Variants in KIAA0930 observed in about 807,000 individuals in gnomAD.
KIAA0930 encodes the protein KIAA0930.
In KIAA0930, 24 loss-of-function variants were observed where a neutral mutation model predicts 43.9. The observed-to-expected ratio is 0.55, with a 90% CI of 0.40 to 0.77. The LOEUF is 0.77. Among genes scored for constraint, KIAA0930 ranks in the 30% least tolerant of loss-of-function variants. The pLI, the probability that KIAA0930 is intolerant of heterozygous loss-of-function variation, is 0.00. For missense variants in KIAA0930, 461 were observed against 574.2 expected, an observed-to-expected ratio of 0.80 and a Z score of 2.02; for synonymous variants, 259 against 216.4, an observed-to-expected ratio of 1.20 and a Z score of -1.73.
At position 45,200,011 on chromosome 22, in the gene KIAA0930, TG is replaced by T. The variant is rs1294718664; in HGVS notation, c.876del (p.Thr293ProfsTer27). On this transcript the variant is annotated frameshift_variant, in exon 8 of 10. Coordinates refer to ENST00000336156, the MANE Select transcript of KIAA0930 (RefSeq NM_001009880.2). LOFTEE classifies it high-confidence loss of function. ...GCAGGCCGGTTGTTCCGTTCTGGGG[TG>T]GGGGGTGTGCTGAAGGAGGTCACCT... The part of the protein sequence containing the change: ...HERVTSFSTP[P>X]TPERNNRPAF... 7 of 1,596,436 alleles carry T rather than the reference TG, an allele frequency of 4.4e-6. No homozygotes were observed. Among genetic ancestry groups the T allele is most frequent in the East Asian group, 2.3e-5 (1 of 42,900 alleles).
At chr22:45,240,239 C>T (rs975343592) in intron 1 of KIAA0930, among the ~76,000 whole-genome samples, 3 of 152,220 alleles carry the variant, frequency 2.0e-5, no homozygotes, top group East Asian at 3.9e-4. Context: ...GACCCTGCCG[C>T]GCTGGGCTAA....
At chr22:45,230,692 C>A (rs2083847630) in intron 1 of KIAA0930, among the ~76,000 whole-genome samples, 1 of 151,636 alleles carries the variant, frequency 6.6e-6, no homozygotes. Flanking sequence ...TGCAATTCTC[C>A]TGCCTCAGCC....
At chr22:45,215,021 C>A (rs556722887) in intron 1 of KIAA0930, among the ~76,000 whole-genome samples, 39 of 152,284 alleles carry the variant, frequency 2.6e-4, no homozygotes, top group African/African-American at 9.4e-4. Context: ...AGTTCAAGAC[C>A]AGCCTGAGCA....
chr22:45,208,956 T>TC (rs1215134556), intron 2 of KIAA0930, among the ~76,000 whole-genome samples: 1 of 152,024 alleles, frequency 6.6e-6, no homozygotes, highest in African/African-American at 2.4e-5. Flanking sequence ...CAGAGCCAGG[T>TC]CCCCCTCCTG....
At chr22:45,213,397 A>G in intron 1 of KIAA0930, 1 of 1,302,408 alleles carries the variant, frequency 7.7e-7, no homozygotes, top group African/African-American at 1.5e-5. Flanking sequence ...TTCATCGGTG[A>G]GGGTCTGGGT....
intron 1 of KIAA0930, among the ~76,000 whole-genome samples, chr22:45,240,079 G>A (rs2083907543): frequency 6.6e-6 from 1 of 152,050 alleles, no homozygotes; most frequent in Admixed American, 6.5e-5. Context: ...CAAGCGGGCG[G>A]GTTCGGGGGG....
chr22:45,225,117 T>G (rs1012677138), intron 1 of KIAA0930, among the ~76,000 whole-genome samples: 1 of 152,096 alleles, frequency 6.6e-6, no homozygotes, highest in Non-Finnish European at 1.5e-5. Flanking sequence ...CAGGCGGCCC[T>G]TGGCCCTCTG....
At position 45,195,210 on chromosome 22, in the gene KIAA0930, A is replaced by T. The variant is rs984207420; in HGVS notation, c.*1966T>A. On this transcript the variant is annotated 3_prime_UTR_variant, in exon 10 of 10. Coordinates refer to ENST00000336156, the MANE Select transcript of KIAA0930 (RefSeq NM_001009880.2). ...TCCAGCAGTGCTGGCCAAGCCTCCGAGCTTGGCCAAATGCTGGCCCCAGAG... is the reference window on the plus strand; with the variant it reads ...TCCAGCAGTGCTGGCCAAGCCTCCGTGCTTGGCCAAATGCTGGCCCCAGAG... 10 of 152,098 alleles carry T rather than the reference A, an allele frequency of 6.6e-5. No individual in the cohort carries two copies. Among genetic ancestry groups the T allele is most frequent in the Admixed American group, 5.9e-4 (9 of 15,270 alleles). 9.4% of individuals were successfully genotyped at this position (152,098 alleles called of 1,614,324 possible). A position where few individuals can be genotyped will look rare whatever the true frequency, so the allele number is the denominator to read the frequency against.
At position 45,200,008 on chromosome 22, in the gene KIAA0930, G is replaced by T; in HGVS notation, c.880C>A (p.Pro294Thr). ...AAGGCAGGCCGGTTGTTCCGTTCTG[G>T]GGTGGGGGGTGTGCTGAAGGAGGTC... ...RVTSFSTPPTPERNNRPAFFS... is the reference protein window; with the variant it reads ...RVTSFSTPPTTERNNRPAFFS... The change falls in exon 8 of 10, where the codon CCA (proline) becomes ACA (threonine). Residue 294 changes from proline (P) to threonine (T), a missense_variant. Pro to Thr is a conservative substitution (Grantham distance 38). Transcript: ENST00000336156. 6.2e-7 allele frequency: 1 copy of T among 1,600,728 alleles called. No individual in the cohort carries two copies. The highest frequency in any genetic ancestry group is 8.5e-7 in the Non-Finnish European group (1 of 1,173,694).
chr22:45,213,504 C>T (rs1601817835), intron 1 of KIAA0930: 57 of 1,187,636 alleles, frequency 4.8e-5, no homozygotes, highest in South Asian at 2.2e-4. Flanking sequence ...ACGAAACACG[C>T]GTGCTGTCTG....
chr22:45,229,929 A>T (rs1221034079), intron 1 of KIAA0930, among the ~76,000 whole-genome samples: 1 of 152,222 alleles, frequency 6.6e-6, no homozygotes, highest in Non-Finnish European at 1.5e-5. Flanking sequence ...CCCTGTCTCT[A>T]CGAAAAATAC....
At position 45,192,990 on chromosome 22, in the gene KIAA0930, C is replaced by T. The variant is rs1366862010; in HGVS notation, c.*4186G>A. 1 of 152,284 alleles carries T rather than the reference C, an allele frequency of 6.6e-6. No homozygotes were observed. The highest frequency in any genetic ancestry group is 1.5e-5 in the Non-Finnish European group (1 of 68,070). The allele number at this position is 152,284 out of a possible 1,614,324, so 9.4% of individuals were successfully genotyped here. A position where few individuals can be genotyped will look rare whatever the true frequency, so the allele number is the denominator to read the frequency against. On this transcript the variant is annotated 3_prime_UTR_variant, in exon 10 of 10. Transcript: ENST00000336156. ...GTCATCTGCAGAGTCACGTGGCACT[C>T]TGGCCACTGCTGAAGAGCTGCTCTC...
chr22:45,197,111 G>C lies in KIAA0930; in HGVS notation c.*65C>G. The C allele has an allele frequency of 7.3e-7, 1 of 1,377,252 alleles. No individual in the cohort carries two copies. The highest frequency in any genetic ancestry group is 9.8e-7 in the Non-Finnish European group (1 of 1,018,276). 85.3% of individuals were successfully genotyped at this position (1,377,252 alleles called of 1,614,324 possible). A position where few individuals can be genotyped will look rare whatever the true frequency, so the allele number is the denominator to read the frequency against. ...CGCAGACCCCGGTGGCGGTGGACAG[G>C]TAGGCACTTGGCAGCACTCCGAGGG... On this transcript the variant is annotated 3_prime_UTR_variant, in exon 10 of 10. Transcript: ENST00000336156.
chr22:45,207,891 TGA>T (rs1209971372), intron 2 of KIAA0930: 5 of 169,000 alleles, frequency 3.0e-5, no homozygotes, highest in Admixed American at 6.5e-5. Flanking sequence ...GCCCCTGAGC[TGA>T]GAGTCCTGGG....
chr22:45,211,213 T>C (rs2083690484), intron 2 of KIAA0930: 4 of 386,610 alleles, frequency 1.0e-5, no homozygotes, highest in Admixed American at 4.5e-5. Context: ...GTTCCAGACC[T>C]AGCTACACGG....
chr22:45,240,615 G>GGCCTC, intron 1 of KIAA0930, 25 bp downstream of exon 1: 1 of 1,508,536 alleles, frequency 6.6e-7, no homozygotes, highest in South Asian at 1.2e-5. Flanking sequence ...CTCCCGGCCC[G>GGCCTC]GCCTCGCCCC....
rs376397193 is a variant in KIAA0930, at chr22:45,199,922, C to G, written c.966G>C (p.Ser322=). ...PRNRIAEMKK[S]HSANDSEEFF... Reference sequence around the variant, plus strand: ...ACTCCTCGCTGTCGTTGGCCGAGTGCGACTTCTTCATCTCAGCGATCCGGT... The same window carrying G: ...ACTCCTCGCTGTCGTTGGCCGAGTGGGACTTCTTCATCTCAGCGATCCGGT... Residue 322 remains serine, a synonymous_variant, in exon 8 of 10, where the codon TCG becomes TCC. Coordinates refer to ENST00000336156, the MANE Select transcript of KIAA0930 (RefSeq NM_001009880.2). 297 of 1,606,116 alleles carry G rather than the reference C, an allele frequency of 1.8e-4. 3 individuals are homozygous for G. The South Asian group carries it at 3.2e-3, about 17-fold the overall frequency.
At chr22:45,240,110 G>C (rs2083907764) in intron 1 of KIAA0930, among the ~76,000 whole-genome samples, 2 of 152,102 alleles carry the variant, frequency 1.3e-5, no homozygotes. Flanking sequence ...ACAGGTCCCT[G>C]GATACAGCTA....
chr22:45,211,371 C>A (rs947940485), intron 2 of KIAA0930: 1 of 398,722 alleles, frequency 2.5e-6, no homozygotes, highest in Non-Finnish European at 4.4e-6. Context: ...TCCCACACTG[C>A]GATTTAGTGG....
Sources: gnomAD v4.1 joint callset for allele counts (sites outside exome capture counted in the v4.1 genomes callset) on GRCh38, gnomAD v4.1.1 for gene constraint, MANE v1.5 for transcripts, NCBI Gene and HGNC (gene_info 2026-07-23, HGNC 2026-07-21) for gene names.